Variants in KATNAL2 observed in about 807,000 individuals in gnomAD.
KATNAL2 encodes the protein katanin p60 ATPase-containing subunit A-like 2.
A neutral mutation model predicts 76.3 loss-of-function variants in KATNAL2; 52 were observed. That is an observed-to-expected ratio of 0.68 (90% CI 0.55 to 0.86). KATNAL2 has a LOEUF of 0.86. KATNAL2 is among the 40% of genes least tolerant of loss of function. KATNAL2 has a pLI of 0.00. For synonymous variants in KATNAL2, 243 were observed against 244.2 expected (o/e 1.00, Z 0.05); for missense variants, 660 against 668.9 (o/e 0.99, Z 0.15).
intron 12 of KATNAL2, 54 bp downstream of exon 12, chr18:47,069,337 A>G: frequency 6.7e-7 from 1 of 1,483,664 alleles, no homozygotes; most frequent in Non-Finnish European, 9.3e-7. Context: ...GCAGAGGATG[A>G]GTTGCCCCTT....
At chr18:47,031,696 C>T (rs72919289) in intron 3 of KATNAL2, among the ~76,000 whole-genome samples, 1,682 of 152,238 alleles carry the variant, frequency 0.011, 17 homozygotes, top group Non-Finnish European at 0.017. Flanking sequence ...TCGTCCTGGT[C>T]TTTAACTCCT....
chr18:47,054,729 C>A (rs1005806963), intron 6 of KATNAL2: 3 of 337,674 alleles, frequency 8.9e-6, no homozygotes, highest in African/African-American at 2.1e-5. Flanking sequence ...CCAGGTTCAA[C>A]TCCTGGCTCT....
At position 46,957,249 on chromosome 18, in the gene KATNAL2, CTTTTTTTT is replaced by C. The variant is rs1223846865; in HGVS notation, c.51+10343_51+10350del. On this transcript the variant is annotated intron_variant, in intron 3 of 17. Coordinates refer to ENST00000683218, the MANE Select transcript of KATNAL2 (RefSeq NM_001387690.1). ...ATTGAGAAAAGCAGATTGCCCTCTT[CTTTTTTTT>C]TTTTTTTTTTTTTTTTGAGACGGAG... 6.5e-4 allele frequency among the ~76,000 whole-genome samples: 48 copies of C among 73,914 alleles called. 1 individual carries two copies. Among genetic ancestry groups the C allele is most frequent in the Admixed American group, 6.2e-3 (34 of 5,456 alleles). The allele number at this position is 73,914 out of a possible 152,430, so 48.5% of individuals were successfully genotyped here.
At chr18:46,954,304 C>CCTT (rs1158582081) in intron 3 of KATNAL2, among the ~76,000 whole-genome samples, 93 of 149,644 alleles carry the variant, frequency 6.2e-4, no homozygotes, top group African/African-American at 1.6e-3. Context: ...GTTTTCTTCT[C>CCTT]CTTCTTCTTC....
At chr18:47,049,835 C>A (rs1039283860) in intron 4 of KATNAL2, among the ~76,000 whole-genome samples, 2 of 152,154 alleles carry the variant, frequency 1.3e-5, no homozygotes, top group East Asian at 1.9e-4. Flanking sequence ...TCACTTCAAC[C>A]TCCTGTGTAG....
chr18:46,921,435 A>AT (rs1386127750), intron 1 of KATNAL2, among the ~76,000 whole-genome samples: 4 of 152,192 alleles, frequency 2.6e-5, no homozygotes, highest in Non-Finnish European at 5.9e-5. Context: ...ATAAAGTGTC[A>AT]TAAGATTTTA....
chr18:46,960,619 C>A (rs2059909616), intron 3 of KATNAL2, among the ~76,000 whole-genome samples: 1 of 152,144 alleles, frequency 6.6e-6, no homozygotes, highest in African/African-American at 2.4e-5. Flanking sequence ...ACATATGAAG[C>A]TGCTCTCATA....
intron 3 of KATNAL2, among the ~76,000 whole-genome samples, chr18:47,041,688 A>G (rs187731413): frequency 4.6e-5 from 7 of 152,350 alleles, no homozygotes; most frequent in Admixed American, 4.6e-4. Context: ...CTCTGTGAAC[A>G]TAAGTTTTCA....
chr18:46,924,136 A>G (rs965286814), intron 1 of KATNAL2, among the ~76,000 whole-genome samples: 9 of 152,208 alleles, frequency 5.9e-5, no homozygotes, highest in Non-Finnish European at 8.8e-5. Context: ...TGTTTTAGAC[A>G]TGAAGTCCTT....
intron 6 of KATNAL2, among the ~76,000 whole-genome samples, chr18:47,057,570 A>G (rs2061507468): frequency 6.6e-6 from 1 of 152,162 alleles, no homozygotes; most frequent in African/African-American, 2.4e-5. Context: ...CCCCATCTCC[A>G]TCAGAGTTAG....
In KATNAL2 at chr18:47,100,932, C is replaced by T. The variant is rs2063428998; in HGVS notation, c.1544C>T (p.Thr515Ile). 3.7e-6 allele frequency: 6 copies of T among 1,613,982 alleles called. No individual in the cohort carries two copies. The highest frequency in any genetic ancestry group is 1.7e-5 in the Admixed American group (1 of 60,008). The change falls in exon 18 of 18, where the codon ACT (threonine) becomes ATT (isoleucine). Residue 515 changes from threonine (T) to isoleucine (I), a missense_variant. Physicochemically the swap from Thr to Ile is moderately conservative, Grantham distance 89. Transcript: ENST00000683218. ...VTTADFLDVL[T>I]HTKPSAKNLA... is the part of the protein sequence containing the mutation. ...ACTGCCGACTTTCTGGATGTGCTAA[C>T]TCACACCAAGCCCTCCGCAAAGAAT...
chr18:46,958,684 T>C (rs1020140258), intron 3 of KATNAL2, among the ~76,000 whole-genome samples: 1 of 152,240 alleles, frequency 6.6e-6, no homozygotes, highest in African/African-American at 2.4e-5. Context: ...TCTGTATACC[T>C]CTGCCACTTT....
At chr18:46,930,837 T>TC (rs2058887172) in intron 1 of KATNAL2, among the ~76,000 whole-genome samples, 1 of 149,840 alleles carries the variant, frequency 6.7e-6, no homozygotes, top group South Asian at 2.1e-4. Context: ...GCGCAGTGGT[T>TC]CACACCTGTA....
chr18:47,063,378 A>C lies in KATNAL2; in HGVS notation c.726+17A>C. On this transcript the variant is annotated intron_variant, in intron 10 of 17. Transcript: ENST00000683218. ...GTGAGCCGGGTAAGATCTGATATTC[A>C]ATTCACAAATTTATGGAGGCAGGCT... is the stretch of plus-strand genomic sequence containing the variant. 1.2e-6 allele frequency: 2 copies of C among 1,606,332 alleles called. No individual in the cohort carries two copies. The highest frequency in any genetic ancestry group is 2.2e-5 in the South Asian group (2 of 90,088).
At chr18:47,062,783 T>G (rs367593154) in intron 8 of KATNAL2, among the ~76,000 whole-genome samples, 189 bp from the exon 9 acceptor site, 7 of 152,240 alleles carry the variant, frequency 4.6e-5, no homozygotes, top group East Asian at 3.9e-4. Context: ...GTACTTACAA[T>G]TTTTTAAGGT....
chr18:47,043,295 T>A lies in KATNAL2; in HGVS notation c.52-3162T>A, dbSNP rs532546130. Among the ~76,000 whole-genome samples, 8 of 145,180 alleles carry A rather than the reference T, an allele frequency of 5.5e-5. No homozygotes were observed. In the South Asian group the frequency reaches 1.3e-3, roughly 24 times the overall value. ...GAAAAATTACATTACATGCAAAGGA[T>A]CAGGAATAGGAATGGTAATGTTATA... On this transcript the variant is annotated intron_variant, in intron 3 of 17. Transcript: ENST00000683218.
At chr18:46,921,737 T>C (rs1250128779) in intron 1 of KATNAL2, among the ~76,000 whole-genome samples, 1 of 151,618 alleles carries the variant, frequency 6.6e-6, no homozygotes, top group Non-Finnish European at 1.5e-5. Context: ...TTAAGAACCA[T>C]ATGATATATC....
chr18:47,097,470 C>T (rs2063299116), intron 15 of KATNAL2, among the ~76,000 whole-genome samples: 1 of 152,146 alleles, frequency 6.6e-6, no homozygotes, highest in African/African-American at 2.4e-5. Context: ...TACCCTAAAT[C>T]TCATTAAGCT....
chr18:47,073,106 C>T lies in KATNAL2; in HGVS notation c.1009-2171C>T, dbSNP rs2062064198. On this transcript the variant is annotated intron_variant, in intron 13 of 17. Coordinates refer to ENST00000683218, the MANE Select transcript of KATNAL2 (RefSeq NM_001387690.1). ...GATTACTTGCCAACAGGGTTGTACT[C>T]GCTTACAGTCCCATCAATGGTTCAT... 2.0e-5 allele frequency among the ~76,000 whole-genome samples: 3 copies of T among 152,156 alleles called. No homozygotes were observed. The South Asian group carries it at 6.2e-4, about 32-fold the overall frequency.
Sources: allele counts gnomAD v4.1 joint callset (sites outside exome capture counted in the v4.1 genomes callset), GRCh38; gene constraint gnomAD v4.1.1; transcripts MANE v1.5; gene names NCBI Gene and HGNC (gene_info 2026-07-23, HGNC 2026-07-21).